The following BCL2L1 variants were observed in gnomAD, a reference collection of about 807,000 sequenced individuals.
The protein encoded by BCL2L1 is bcl-2-like protein 1.
A neutral mutation model predicts 18.7 loss-of-function variants in BCL2L1; 1 was observed. The observed-to-expected ratio is 0.05, with a 90% CI of 0.02 to 0.25. BCL2L1 has a LOEUF of 0.25. Among genes scored for constraint, BCL2L1 ranks in the 10% least tolerant of loss-of-function variants. BCL2L1 has a pLI of 1.00. For synonymous variants in BCL2L1, 103 were observed against 122.7 expected (o/e 0.84, Z 1.06); for missense variants, 207 against 304.9 (o/e 0.68, Z 2.39).
intron 2 of BCL2L1, among the ~76,000 whole-genome samples, chr20:31,705,448 T>TA (rs2061357519): frequency 6.6e-6 from 1 of 152,172 alleles, no homozygotes; most frequent in East Asian, 1.9e-4. Context: ...TGATATGTAA[T>TA]AGAGACCAGA....
intron 2 of BCL2L1, among the ~76,000 whole-genome samples, chr20:31,718,080 G>T (rs1600938736): frequency 6.6e-6 from 1 of 152,240 alleles, no homozygotes; most frequent in African/African-American, 2.4e-5. Flanking sequence ...TATGGCAGGA[G>T]AAGGGCTTTT....
At chr20:31,720,457 C>G (rs903570455) in intron 2 of BCL2L1, 1 of 864,848 alleles carries the variant, frequency 1.2e-6, no homozygotes, top group East Asian at 1.2e-4. Context: ...CCTGCACCTC[C>G]GCTAGGTAGG....
At chr20:31,681,013 G>A (rs545175066) in intron 2 of BCL2L1, among the ~76,000 whole-genome samples, 2 of 152,350 alleles carry the variant, frequency 1.3e-5, no homozygotes, top group East Asian at 3.9e-4. Context: ...CCAGAGGCAG[G>A]AACACGCTTG....
intron 2 of BCL2L1, among the ~76,000 whole-genome samples, chr20:31,697,892 G>GTTTTTTTTTTTTTGGTTTGTTTGTTT (rs1319361227): frequency 7.7e-6 from 1 of 129,640 alleles, no homozygotes; most frequent in African/African-American, 3.3e-5. Flanking sequence ...TGCTGTTGCT[G>GTTTTTTTTTTTTTGGTTTGTTTGTTT]TTTTTTTTTT....
intron 2 of BCL2L1, among the ~76,000 whole-genome samples, chr20:31,680,218 A>C (rs1302317581): frequency 6.6e-6 from 1 of 152,212 alleles, no homozygotes; most frequent in African/African-American, 2.4e-5. Context: ...AGGGCATTCA[A>C]CTTCACAGCA....
intron 2 of BCL2L1, among the ~76,000 whole-genome samples, chr20:31,704,262 G>A (rs893439218): frequency 4.0e-5 from 6 of 151,586 alleles, no homozygotes; most frequent in East Asian, 3.9e-4. Flanking sequence ...CACCACACCC[G>A]GCTAATTTTT....
chr20:31,698,839 C>CT (rs1369356452), intron 2 of BCL2L1, among the ~76,000 whole-genome samples: 1 of 152,172 alleles, frequency 6.6e-6, no homozygotes, highest in Non-Finnish European at 1.5e-5. Flanking sequence ...CACACCTGCC[C>CT]TTTTTTGCTT....
intron 2 of BCL2L1, among the ~76,000 whole-genome samples, chr20:31,711,078 T>C (rs529188050): frequency 6.6e-6 from 1 of 152,314 alleles, no homozygotes; most frequent in African/African-American, 2.4e-5. Context: ...AGATTCTCCA[T>C]CTTCACAGGA....
chr20:31,682,757 C>CTTAACATTATTCTATCAATTTACTA (rs2060886217), intron 2 of BCL2L1, among the ~76,000 whole-genome samples: 1 of 152,136 alleles, frequency 6.6e-6, no homozygotes, highest in African/African-American at 2.4e-5. Context: ...GCCTGGCCTA[C>CTTAACATTATTCTATCAATTTACTA]TTAACATTAT....
chr20:31,695,032 T>G (rs984087093), intron 2 of BCL2L1, among the ~76,000 whole-genome samples: 4 of 152,206 alleles, frequency 2.6e-5, no homozygotes, highest in Admixed American at 2.0e-4. Context: ...GTAAGGACTT[T>G]CCAGTTTCTT....
Position 31,722,194 on chromosome 20 carries a change from C to A in BCL2L1, c.25G>T (p.Val9Leu), listed in dbSNP as rs2061646533. 1 of 1,497,924 alleles carries A rather than the reference C, an allele frequency of 6.7e-7. No individual in the cohort carries two copies. The highest frequency in any genetic ancestry group is 8.8e-7 in the Non-Finnish European group (1 of 1,130,798). 92.8% of individuals were successfully genotyped at this position (1,497,924 alleles called of 1,614,324 possible). MSQSNREL[V>L]VDFLSYKLSQ... ...AGCTTGTAGGAGAGAAAGTCAACCA[C>A]CAGCTCCCGGTTGCTCTGAGACATT... Residue 9 changes from valine to leucine, a missense_variant, in exon 2 of 3, where the codon GTG (valine) becomes TTG (leucine). Physicochemically the swap from Val to Leu is conservative, Grantham distance 32. Coordinates refer to ENST00000307677, the MANE Select transcript of BCL2L1 (RefSeq NM_138578.3).
chr20:31,696,396 G>C (rs141053513), intron 2 of BCL2L1, among the ~76,000 whole-genome samples: 47 of 152,258 alleles, frequency 3.1e-4, no homozygotes, highest in African/African-American at 1.1e-3. Flanking sequence ...CATCACCACT[G>C]TGTCATCTAC....
rs201204270 is a variant in BCL2L1 at position 31,665,985 on chromosome 20, G to A, written c.666C>T (p.Gly222=). 5 of 1,613,994 alleles carry A rather than the reference G, an allele frequency of 3.1e-6. No individual in the cohort carries two copies. Among genetic ancestry groups the A allele is most frequent in the African/African-American group, 1.3e-5 (1 of 75,004 alleles). ...RWFLTGMTVA[G]VVLLGSLFSR... Reference sequence around the variant, plus strand: ...TGAAGAGTGAGCCCAGCAGAACCACGCCGGCCACAGTCATGCCCGTCAGGA... The same window carrying A: ...TGAAGAGTGAGCCCAGCAGAACCACACCGGCCACAGTCATGCCCGTCAGGA... The change falls in exon 3 of 3, where the codon GGC becomes GGT. Residue 222 remains glycine (G), a synonymous_variant. Transcript: ENST00000307677.
rs577538266 is a variant in BCL2L1 at position 31,712,855 on chromosome 20, G to A, written c.564+8800C>T. 1.6e-3 allele frequency among the ~76,000 whole-genome samples: 246 copies of A among 152,032 alleles called. 2 individuals are homozygous for A. The highest frequency in any genetic ancestry group is 5.7e-3 in the African/African-American group (237 of 41,478). ...AAGGATCTGAGGCATAGTTGAGTGC[G>A]TTCCAATCCCCTCCCAGGCCAGCTC... On this transcript the variant is annotated intron_variant, in intron 2 of 2. Transcript: ENST00000307677.
rs1439561988 is a variant in BCL2L1, at chr20:31,665,816, G to A, written c.*133C>T. 3.3e-6 allele frequency: 4 copies of A among 1,229,962 alleles called. No homozygotes were observed. The East Asian group carries it at 7.1e-5, about 22-fold the overall frequency. The allele number at this position is 1,229,962 out of a possible 1,614,324, so 76.2% of individuals were successfully genotyped here. On this transcript the variant is annotated 3_prime_UTR_variant, in exon 3 of 3. Coordinates refer to ENST00000307677, the MANE Select transcript of BCL2L1 (RefSeq NM_138578.3). ...AAACTAGCTGCAAGGGACCAGATCTGGGCCCAACCCTGTGATGGGCAGGTG... is the reference window on the plus strand; with the variant it reads ...AAACTAGCTGCAAGGGACCAGATCTAGGCCCAACCCTGTGATGGGCAGGTG...
In BCL2L1 at chr20:31,721,922, C is replaced by T. The variant is rs2061639958; in HGVS notation, c.297G>A (p.Leu99=). 1 of 1,614,220 alleles carries T rather than the reference C, an allele frequency of 6.2e-7. No individual in the cohort carries two copies. The highest frequency in any genetic ancestry group is 8.5e-7 in the Non-Finnish European group (1 of 1,180,030). The stretch of plus-strand genomic sequence containing the variant: ...GGTCACTGAATGCCCGCCGGTACCG[C>T]AGTTCAAACTCGTCGCCTGCCTCCC... The part of the protein sequence containing the change: ...ALREAGDEFE[L]RYRRAFSDLT... The change falls in exon 2 of 3, where the codon CTG becomes CTA. Residue 99 remains leucine, a synonymous_variant. Coordinates refer to ENST00000307677, the MANE Select transcript of BCL2L1 (RefSeq NM_138578.3).
At chr20:31,683,441 G>A (rs533076929) in intron 2 of BCL2L1, among the ~76,000 whole-genome samples, 41 of 152,024 alleles carry the variant, frequency 2.7e-4, no homozygotes, top group Non-Finnish European at 3.5e-4. Flanking sequence ...GCCTACCACC[G>A]GCCACCTAAT....
At chr20:31,701,875 A>G (rs927700915) in intron 2 of BCL2L1, among the ~76,000 whole-genome samples, 2 of 152,230 alleles carry the variant, frequency 1.3e-5, no homozygotes, top group African/African-American at 4.8e-5. Context: ...TATTCACTGA[A>G]TGTTTACTAC....
At chr20:31,692,513 C>G (rs779596003) in intron 2 of BCL2L1, among the ~76,000 whole-genome samples, 2 of 152,134 alleles carry the variant, frequency 1.3e-5, no homozygotes, top group Middle Eastern at 3.4e-3. Context: ...CAGTGGCTCA[C>G]GCCTGTAATC....
Sources: allele counts gnomAD v4.1 joint callset (sites outside exome capture counted in the v4.1 genomes callset), GRCh38; gene constraint gnomAD v4.1.1; transcripts MANE v1.5; gene names NCBI Gene and HGNC (gene_info 2026-07-23, HGNC 2026-07-21).